WIPF2: variants seen among roughly 807,000 people sequenced by gnomAD.
The protein encoded by WIPF2 is WAS/WASL-interacting protein family member 2.
Under a neutral mutation model 38.8 loss-of-function variants are expected in WIPF2, and 23 were observed. The ratio of observed to expected loss-of-function variants is 0.59; its 90% CI spans 0.43 to 0.84. The LOEUF is 0.84. Among genes scored for constraint, WIPF2 ranks in the 40% least tolerant of loss-of-function variants. WIPF2 has a pLI of 0.00. For synonymous variants in WIPF2, 210 were observed against 223.2 expected, an observed-to-expected ratio of 0.94 and a Z score of 0.53; for missense variants, 574 against 580.5, an observed-to-expected ratio of 0.99 and a Z score of 0.11.
intron 1 of WIPF2, among the ~76,000 whole-genome samples, chr17:40,229,468 G>T (rs1442350719): frequency 6.6e-6 from 1 of 151,498 alleles, no homozygotes; most frequent in Non-Finnish European, 1.5e-5. Flanking sequence ...TATTAGCCAG[G>T]CTGGAGTGCA....
intron 1 of WIPF2, among the ~76,000 whole-genome samples, chr17:40,228,037 A>T (rs1268982900): frequency 5.5e-5 from 4 of 73,080 alleles, no homozygotes; most frequent in Admixed American, 2.2e-4. Flanking sequence ...TTTTTTTGAG[A>T]CGGAGTCTCG....
At chr17:40,221,089 A>G (rs2030215719) in intron 1 of WIPF2, among the ~76,000 whole-genome samples, 1 of 151,980 alleles carries the variant, frequency 6.6e-6, no homozygotes, top group South Asian at 2.1e-4. Flanking sequence ...TCCAGAATTC[A>G]TATTTTTTAA....
chr17:40,231,759 G>A (rs1016532155), intron 1 of WIPF2, among the ~76,000 whole-genome samples: 1 of 151,806 alleles, frequency 6.6e-6, no homozygotes, highest in Non-Finnish European at 1.5e-5. Flanking sequence ...TGCAGATGAA[G>A]CCTGGCTCTT....
intron 1 of WIPF2, chr17:40,220,587 A>ATATATATATATATATATATATG (rs1567705725): frequency 1.5e-5 from 1 of 64,592 alleles, no homozygotes; most frequent in Non-Finnish European, 3.0e-5. Context: ...ATATATATAT[A>ATATATATATATATATATATATG]TATATATATA....
At chr17:40,264,368 C>CA in intron 4 of WIPF2, 122 bp from the exon 5 acceptor site, 1 of 685,782 alleles carries the variant, frequency 1.5e-6, no homozygotes, top group Non-Finnish European at 2.4e-6. Context: ...AACAAAAAAC[C>CA]CAGAATTATT....
In WIPF2 at chr17:40,280,143, G is replaced by A. The variant is rs2032513734; in HGVS notation, c.*1918G>A. ...CATTCTTCTTTCTAATCTGTTAGCA[G>A]TTATCTCCCAGAAGTATCCCTAGCA... On this transcript the variant is annotated 3_prime_UTR_variant, in exon 8 of 8. Coordinates refer to ENST00000323571, the MANE Select transcript of WIPF2 (RefSeq NM_133264.5). 6.6e-6 allele frequency: 1 copy of A among 152,174 alleles called. No individual in the cohort carries two copies. The highest frequency in any genetic ancestry group is 6.6e-5 in the Admixed American group (1 of 15,264). The allele number at this position is 152,174 out of a possible 1,614,324, so 9.4% of individuals were successfully genotyped here.
At chr17:40,262,866 G>C (rs1374088712) in intron 4 of WIPF2, among the ~76,000 whole-genome samples, 2 of 152,224 alleles carry the variant, frequency 1.3e-5, no homozygotes, top group Non-Finnish European at 2.9e-5. Flanking sequence ...ATACTATTCA[G>C]CCTTAGGCAA....
intron 2 of WIPF2, 21 bp downstream of exon 2, chr17:40,256,543 G>T: frequency 1.9e-6 from 3 of 1,594,664 alleles, no homozygotes; most frequent in Non-Finnish European, 8.5e-7. Flanking sequence ...CTTCCATTAG[G>T]CTATCTCAAA....
intron 1 of WIPF2, among the ~76,000 whole-genome samples, chr17:40,254,677 A>G (rs1467097198): frequency 4.6e-5 from 7 of 152,106 alleles, no homozygotes; most frequent in African/African-American, 1.2e-4. Flanking sequence ...ACTGTGGCCC[A>G]TAAGTCAGAT....
chr17:40,263,515 A>G (rs952783586), intron 4 of WIPF2, among the ~76,000 whole-genome samples: 4 of 145,890 alleles, frequency 2.7e-5, no homozygotes, highest in Non-Finnish European at 6.0e-5. Context: ...CTAAAAGAGT[A>G]TATTTTATTT....
chr17:40,222,232 T>G (rs1395487927), intron 1 of WIPF2, among the ~76,000 whole-genome samples: 6 of 151,288 alleles, frequency 4.0e-5, no homozygotes, highest in Non-Finnish European at 7.4e-5. Context: ...TTTTGTATTT[T>G]TAGTAGAGAC....
Position 40,277,106 on chromosome 17 carries a change from T to C in WIPF2, c.1204T>C (p.Phe402Leu). The C allele has an allele frequency of 6.2e-7, 1 of 1,613,262 alleles. No individual in the cohort carries two copies. Among genetic ancestry groups the C allele is most frequent in the Non-Finnish European group, 8.5e-7 (1 of 1,179,654 alleles). Residue 402 changes from phenylalanine to leucine, a missense_variant, in exon 7 of 8, where the codon TTC (phenylalanine) becomes CTC (leucine). By Grantham distance (22) the Phe-to-Leu change is conservative. Transcript: ENST00000323571. ...FLDDFESKYS[F>L]HPVEDFPAPE... ...AGATGATTTTGAGTCAAAGTATTCC[T>C]TCCATCCAGTAGAAGACTTTCCTGC...
Position 40,256,500 on chromosome 17 carries a change from C to G in WIPF2, c.41C>G (p.Pro14Arg). ...PPPPPPPPGP[P>R]PPPTFHQANT... is the part of the protein sequence containing the mutation. ...CCCCCGCCACCCCCACCTGGTCCTC[C>G]TCCACCTCCCACATTTCATCAGGTA... The change falls in exon 2 of 8, where the codon CCT becomes CGT. Residue 14 changes from proline to arginine, a missense_variant. Physicochemically the swap from Pro to Arg is moderately radical, Grantham distance 103. Coordinates refer to ENST00000323571, the MANE Select transcript of WIPF2 (RefSeq NM_133264.5). The G allele has an allele frequency of 6.2e-7, 1 of 1,608,344 alleles. No homozygotes were observed. Among genetic ancestry groups the G allele is most frequent in the Non-Finnish European group, 8.5e-7 (1 of 1,177,782 alleles).
chr17:40,223,862 G>C (rs1056817060), intron 1 of WIPF2, among the ~76,000 whole-genome samples: 4 of 151,968 alleles, frequency 2.6e-5, no homozygotes, highest in South Asian at 2.1e-4. Context: ...TGGGATTACA[G>C]GCGTGAGCCA....
chr17:40,241,388 C>G (rs758364675), intron 1 of WIPF2, among the ~76,000 whole-genome samples: 2 of 152,188 alleles, frequency 1.3e-5, no homozygotes, highest in African/African-American at 4.8e-5. Context: ...ACTCCTTAGC[C>G]TTCCCCTAAT....
In WIPF2 at chr17:40,279,528, T is replaced by G. The variant is rs1269229826; in HGVS notation, c.*1303T>G. 1 of 152,690 alleles carries G rather than the reference T, an allele frequency of 6.5e-6. No homozygotes were observed. Among genetic ancestry groups the G allele is most frequent in the Non-Finnish European group, 1.5e-5 (1 of 68,074 alleles). The allele number at this position is 152,690 out of a possible 1,614,324, so 9.5% of individuals were successfully genotyped here. A position where few individuals can be genotyped will look rare whatever the true frequency, so the allele number is the denominator to read the frequency against. On this transcript the variant is annotated 3_prime_UTR_variant, in exon 8 of 8. Transcript: ENST00000323571. The stretch of plus-strand genomic sequence containing the variant: ...TTTGCCTCAGTTCAGTAGATCTTCC[T>G]TGGCAGCCAGCCATAGGTTGTTTCT...
At position 40,264,745 on chromosome 17, in the gene WIPF2, C is replaced by T; in HGVS notation, c.569C>T (p.Pro190Leu). The change falls in exon 5 of 8, where the codon CCC becomes CTC. Residue 190 changes from proline (P) to leucine (L), a missense_variant. Physicochemically the swap from Pro to Leu is moderately conservative, Grantham distance 98 (BLOSUM62 -3). Transcript: ENST00000323571. ...CCAGGGCGGCGTGCCAACGCACCCC[C>T]CACACCTCTGCCTATGCACAGCAGC... Reference protein sequence around the residue: ...PPPGRRANAPPTPLPMHSSKA... With the variant: ...PPPGRRANAPLTPLPMHSSKA... 1.2e-6 allele frequency: 2 copies of T among 1,608,638 alleles called. No individual in the cohort carries two copies. The highest frequency in any genetic ancestry group is 1.3e-5 in the African/African-American group (1 of 74,932).
At chr17:40,244,618 G>A (rs1213969725) in intron 1 of WIPF2, among the ~76,000 whole-genome samples, 1 of 152,142 alleles carries the variant, frequency 6.6e-6, no homozygotes, top group African/African-American at 2.4e-5. Flanking sequence ...GTTCATTTAG[G>A]TTTCTTTGGT....
chr17:40,235,645 C>T (rs1288220193), intron 1 of WIPF2, among the ~76,000 whole-genome samples: 2 of 149,232 alleles, frequency 1.3e-5, no homozygotes, highest in African/African-American at 2.5e-5. Context: ...ACGATCTCAG[C>T]TCACCACAAC....
Sources: allele counts gnomAD v4.1 joint callset (sites outside exome capture counted in the v4.1 genomes callset), GRCh38; gene constraint gnomAD v4.1.1; transcripts MANE v1.5; gene names NCBI Gene and HGNC (gene_info 2026-07-23, HGNC 2026-07-21).